PLA2G15: variants seen among roughly 807,000 people sequenced by gnomAD.
The protein encoded by PLA2G15 is lysosomal phospholipase A and acyltransferase.
In PLA2G15, 20 loss-of-function variants were observed where a neutral mutation model predicts 40.9. The ratio of observed to expected loss-of-function variants is 0.49; its 90% CI spans 0.34 to 0.71. PLA2G15 has a LOEUF of 0.71. PLA2G15 is among the 30% of genes least tolerant of loss of function. The pLI, the probability that PLA2G15 is intolerant of heterozygous loss-of-function variation, is 0.01. For missense variants in PLA2G15, 471 were observed against 541.9 expected (o/e 0.87, Z 1.30); for synonymous variants, 223 against 228.2 (o/e 0.98, Z 0.21).
Position 68,259,171 on chromosome 16 carries a change from C to G in PLA2G15, c.753C>G (p.Ile251Met). Residue 251 changes from isoleucine (I) to methionine (M), a missense_variant, in exon 6 of 6, where the codon ATC (isoleucine) becomes ATG (methionine). Physicochemically the swap from Ile to Met is conservative, Grantham distance 10. Transcript: ENST00000219345. The surrounding 1 kb of genome is among the most constrained non-coding windows in gnomAD (Gnocchi z 6.5). Reference sequence around the variant, plus strand: ...GAGACAACAACCGGATCCCAGTCATCGGGCCCCTGAAGATCCGGGAGCAGC... The same window carrying G: ...GAGACAACAACCGGATCCCAGTCATGGGGCCCCTGAAGATCCGGGAGCAGC... ...ASGDNNRIPV[I>M]GPLKIREQQR... 6.2e-7 allele frequency: 1 copy of G among 1,613,238 alleles called. No individual in the cohort carries two copies. The highest frequency in any genetic ancestry group is 8.5e-7 in the Non-Finnish European group (1 of 1,179,658).
At position 68,259,601 on chromosome 16, in the gene PLA2G15, A is replaced by G; in HGVS notation, c.1183A>G (p.Met395Val). The G allele has an allele frequency of 6.2e-7, 1 of 1,613,338 alleles. No individual in the cohort carries two copies. The highest frequency in any genetic ancestry group is 1.7e-5 in the Admixed American group (1 of 60,024). Residue 395 changes from methionine (M) to valine (V), a missense_variant, in exon 6 of 6, where the codon ATG becomes GTG. Met to Val is a conservative substitution (Grantham distance 21). Coordinates refer to ENST00000219345, the MANE Select transcript of PLA2G15 (RefSeq NM_012320.4). The surrounding 1 kb of genome is among the most constrained non-coding windows in gnomAD (Gnocchi z 6.5). ...GCTGCCAGGCAGCGAGCACATCGAG[A>G]TGCTGGCCAACGCCACCACCCTGGC... ...QELPGSEHIE[M>V]LANATTLAYL...
At chr16:68,250,469 C>T (rs1034170635) in intron 2 of PLA2G15, 5 of 223,572 alleles carry the variant, frequency 2.2e-5, no homozygotes, top group African/African-American at 9.6e-5. Flanking sequence ...GACAGGGTTT[C>T]ACCGTGTTAA....
chr16:68,250,241 C>T (rs1286518210), intron 2 of PLA2G15: 8 of 305,364 alleles, frequency 2.6e-5, no homozygotes, highest in African/African-American at 1.4e-4. Context: ...AGTGCAATGG[C>T]GCGATCTCGG....
chr16:68,253,428 G>T, intron 2 of PLA2G15: 1 of 438,330 alleles, frequency 2.3e-6, no homozygotes, highest in Non-Finnish European at 4.6e-6. Flanking sequence ...CCAGGCTGGA[G>T]TGCAGTGGCG....
At position 68,256,001 on chromosome 16, in the gene PLA2G15, A is replaced by C; in HGVS notation, c.727+11A>C. ...GCGTCCTGGCTTCAGGTAAGACCCT[A>C]CCTGGCCCAGCGTGGGGGGCTGTTG... On this transcript the variant is annotated intron_variant, in intron 5 of 5. Transcript: ENST00000219345. 1 of 1,567,132 alleles carries C rather than the reference A, an allele frequency of 6.4e-7. No homozygotes were observed. Among genetic ancestry groups the C allele is most frequent in the Non-Finnish European group, 8.7e-7 (1 of 1,147,160 alleles).
intron 1 of PLA2G15, among the ~76,000 whole-genome samples, 167 bp downstream of exon 1, chr16:68,245,720 G>A (rs2042303649): frequency 6.6e-6 from 1 of 152,220 alleles, no homozygotes; most frequent in African/African-American, 2.4e-5. Flanking sequence ...CGCCATGCTG[G>A]GCGCGGGTGT....
intron 5 of PLA2G15, among the ~76,000 whole-genome samples, chr16:68,257,114 CAAGTCAGG>C (rs1567574342): frequency 2.0e-5 from 3 of 151,498 alleles, no homozygotes; most frequent in African/African-American, 4.9e-5. Flanking sequence ...CTCCTGACCT[CAAGTCAGG>C]AGGATCTGCC....
chr16:68,249,928 C>G (rs1203914073), intron 2 of PLA2G15, among the ~76,000 whole-genome samples: 1 of 152,158 alleles, frequency 6.6e-6, no homozygotes, highest in East Asian at 1.9e-4. Flanking sequence ...GTTCTGCCCA[C>G]CTTGGACTCC....
intron 5 of PLA2G15, among the ~76,000 whole-genome samples, chr16:68,257,936 C>T (rs2042414658): frequency 2.0e-5 from 3 of 152,250 alleles, no homozygotes; most frequent in South Asian, 2.1e-4. Context: ...GGTGGAAGTC[C>T]GTGCACCCCT....
chr16:68,254,801 T>C, intron 2 of PLA2G15, 118 bp from the exon 3 acceptor site: 1 of 701,094 alleles, frequency 1.4e-6, no homozygotes, highest in South Asian at 1.7e-5. Flanking sequence ...GTCTCTCCTA[T>C]CCATCTGACC....
intron 1 of PLA2G15, among the ~76,000 whole-genome samples, chr16:68,247,561 C>T (rs963709792): frequency 6.6e-6 from 1 of 152,212 alleles, no homozygotes; most frequent in Non-Finnish European, 1.5e-5. Context: ...TTTACCATTT[C>T]CCCTTTGGTA....
chr16:68,248,576 G>A, intron 1 of PLA2G15: 1 of 220,888 alleles, frequency 4.5e-6, no homozygotes, highest in East Asian at 1.8e-4. Context: ...TAGTAGAGAT[G>A]GGCTTTCACC....
chr16:68,259,908 A>T lies in PLA2G15; in HGVS notation c.*251A>T, dbSNP rs1283574856. On this transcript the variant is annotated 3_prime_UTR_variant, in exon 6 of 6. Coordinates refer to ENST00000219345, the MANE Select transcript of PLA2G15 (RefSeq NM_012320.4). The surrounding 1 kb of genome is among the most constrained non-coding windows in gnomAD (Gnocchi z 6.5). Reference sequence around the variant, plus strand: ...TGCTGCTGATGGTGGAACTGCTGTGACCTTAGGACTGGCTCCACAGGGTGG... The same window carrying T: ...TGCTGCTGATGGTGGAACTGCTGTGTCCTTAGGACTGGCTCCACAGGGTGG... 1 of 548,520 alleles carries T rather than the reference A, an allele frequency of 1.8e-6. No individual in the cohort carries two copies. Among genetic ancestry groups the T allele is most frequent in the African/African-American group, 1.9e-5 (1 of 52,900 alleles). 34.0% of individuals were successfully genotyped at this position (548,520 alleles called of 1,614,324 possible).
Position 68,255,682 on chromosome 16 carries a change from G to T in PLA2G15, c.503-84G>T, listed in dbSNP as rs745496560. On this transcript the variant is annotated intron_variant, in intron 4 of 5. Coordinates refer to ENST00000219345, the MANE Select transcript of PLA2G15 (RefSeq NM_012320.4). This position sits in a 1 kb window ranked among gnomAD's most constrained non-coding sequence, Gnocchi z 5.9. ...GTGAGCACCCTCCCCTCCCCCTCTC[G>T]TCTTGTGTCTGGCCTGAGAAAAGCT... 1.1e-5 allele frequency: 13 copies of T among 1,161,028 alleles called. No individual in the cohort carries two copies. Among genetic ancestry groups the T allele is most frequent in the Non-Finnish European group, 1.7e-5 (13 of 774,770 alleles). The allele number at this position is 1,161,028 out of a possible 1,614,324, so 71.9% of individuals were successfully genotyped here. A position where few individuals can be genotyped will look rare whatever the true frequency, so the allele number is the denominator to read the frequency against.
chr16:68,253,990 CTG>C (rs2042378616), intron 2 of PLA2G15, among the ~76,000 whole-genome samples: 1 of 152,134 alleles, frequency 6.6e-6, no homozygotes, highest in African/African-American at 2.4e-5. Flanking sequence ...CACCCGGCCC[CTG>C]TCTGGTTCTG....
At chr16:68,256,135 A>C in intron 5 of PLA2G15, 145 bp downstream of exon 5, 1 of 579,664 alleles carries the variant, frequency 1.7e-6, no homozygotes, top group Non-Finnish European at 3.0e-6. Context: ...TAAAAGTCCA[A>C]AGAAGAAAGA....
chr16:68,257,490 T>A (rs887460173), intron 5 of PLA2G15, among the ~76,000 whole-genome samples: 1 of 152,198 alleles, frequency 6.6e-6, no homozygotes, highest in Non-Finnish European at 1.5e-5. Flanking sequence ...TTTTCATGAC[T>A]GTTGCAGCTC....
Position 68,250,244 on chromosome 16 carries a change from G to A in PLA2G15, c.284+798G>A, listed in dbSNP as rs188234946. ...TGCCCAGGCTGGAGTGCAATGGCGC[G>A]ATCTCGGCTCACAACTCTTTTTTTT... On this transcript the variant is annotated intron_variant, in intron 2 of 5. Transcript: ENST00000219345. The A allele has an allele frequency of 4.0e-4, 139 of 343,820 alleles. 2 individuals carry two copies. In the East Asian group the frequency reaches 0.014, roughly 34 times the overall value. The allele number at this position is 343,820 out of a possible 1,614,324, so 21.3% of individuals were successfully genotyped here. A position where few individuals can be genotyped will look rare whatever the true frequency, so the allele number is the denominator to read the frequency against.
At chr16:68,251,446 C>T (rs1183839760) in intron 2 of PLA2G15, among the ~76,000 whole-genome samples, 1 of 152,136 alleles carries the variant, frequency 6.6e-6, no homozygotes, top group Admixed American at 6.6e-5. Flanking sequence ...CTTTGGGAGG[C>T]TGAGGTGGAC....
Sources: gnomAD v4.1 joint callset for allele counts (sites outside exome capture counted in the v4.1 genomes callset) on GRCh38, gnomAD v4.1.1 for gene constraint, Gnocchi (gnomAD v3.1) non-coding constraint, MANE v1.5 for transcripts, NCBI Gene and HGNC (gene_info 2026-07-23, HGNC 2026-07-21) for gene names.